The following CRISP2 variants were observed in gnomAD, a reference collection of about 807,000 sequenced individuals.
The protein encoded by CRISP2 is cysteine rich secretory protein 2.
CRISP2 carries 29 observed loss-of-function variants against 31.7 expected under a neutral mutation model. The ratio of observed to expected loss-of-function variants is 0.92; its 90% CI spans 0.68 to 1.25. The LOEUF (loss-of-function observed/expected upper bound fraction) is 1.25, where lower values mean the gene tolerates loss of function less well. Among genes scored for constraint, CRISP2 ranks in the 50% most tolerant of loss-of-function variants. CRISP2 has a pLI of 0.00. For synonymous variants in CRISP2, 111 were observed against 101.4 expected (o/e 1.09, Z -0.57); for missense variants, 318 against 286.5 (o/e 1.11, Z -0.79).
chr6:49,678,608 G>T, the CRISP2 span, among the ~76,000 whole-genome samples: 2 of 152,084 alleles, frequency 1.3e-5, no homozygotes, highest in Non-Finnish European at 2.9e-5. Flanking sequence ...ATTGCAGAGA[G>T]TGTAAATGTG....
the CRISP2 span, among the ~76,000 whole-genome samples, chr6:49,683,248 G>T: frequency 6.6e-6 from 1 of 151,852 alleles, no homozygotes; most frequent in Non-Finnish European, 1.5e-5. Flanking sequence ...TAATTGCATA[G>T]CTCATTTAAT....
chr6:49,693,357 T>C (rs957752183), intron 9 of CRISP2, among the ~76,000 whole-genome samples: 3 of 152,190 alleles, frequency 2.0e-5, no homozygotes, highest in Non-Finnish European at 4.4e-5. Context: ...GTGTTCAAAG[T>C]GTGATTAGTA....
intron 7 of CRISP2, 42 bp downstream of exon 7, chr6:49,698,320 T>C (rs767115140): frequency 1.5e-5 from 24 of 1,605,330 alleles, no homozygotes; most frequent in Non-Finnish European, 2.0e-5. Context: ...TTTCCTCTAT[T>C]AGAACATCTG....
chr6:49,680,243 T>C, the CRISP2 span, among the ~76,000 whole-genome samples: 1 of 152,226 alleles, frequency 6.6e-6, no homozygotes, highest in African/African-American at 2.4e-5. Context: ...TAAGTGAGAA[T>C]ATGTGGTGTT....
At chr6:49,687,173 G>A in the CRISP2 span, among the ~76,000 whole-genome samples, 1 of 152,086 alleles carries the variant, frequency 6.6e-6, no homozygotes, top group Non-Finnish European at 1.5e-5. Flanking sequence ...TGCACATTGT[G>A]CACATGTGCC....
rs147655236 is a variant in CRISP2 at position 49,704,032 on chromosome 6, G to A, written c.67-3248C>T. On this transcript the variant is annotated intron_variant, in intron 4 of 9. Coordinates refer to ENST00000339139, the MANE Select transcript of CRISP2 (RefSeq NM_003296.4). The stretch of plus-strand genomic sequence containing the variant: ...GATTTAATGTAATCCCAAACTTCTT[G>A]GAGGCTTTGTTCATTTTCTTTTTAT... 2.2e-4 allele frequency among the ~76,000 whole-genome samples: 34 copies of A among 152,108 alleles called. No individual in the cohort carries two copies. The East Asian group carries it at 6.4e-3, about 29-fold the overall frequency.
intron 6 of CRISP2, among the ~76,000 whole-genome samples, 172 bp downstream of exon 6, chr6:49,699,632 C>CA: frequency 6.6e-6 from 1 of 152,148 alleles, no homozygotes; most frequent in Non-Finnish European, 1.5e-5. Flanking sequence ...TAAAAAAACA[C>CA]AAAATTGTTC....
chr6:49,705,672 T>A (rs58946005), intron 4 of CRISP2, among the ~76,000 whole-genome samples: 5,079 of 152,292 alleles, frequency 0.033, 302 homozygotes, highest in African/African-American at 0.12. Flanking sequence ...AGAAATGGCT[T>A]CCCTGGGCTT....
At chr6:49,712,678 T>C (rs905462684) in intron 1 of CRISP2, 74 bp from the exon 2 acceptor site, 23 of 152,226 alleles carry the variant, frequency 1.5e-4, no homozygotes, top group African/African-American at 5.1e-4. Flanking sequence ...ATAATCTTTG[T>C]CACAAACTTA....
At chr6:49,679,728 C>T in the CRISP2 span, among the ~76,000 whole-genome samples, 12 of 151,288 alleles carry the variant, frequency 7.9e-5, no homozygotes, top group South Asian at 6.3e-4. Context: ...ATTTTTGAGA[C>T]GGAGTATTAC....
downstream of CRISP2, among the ~76,000 whole-genome samples, chr6:49,690,711 T>G (rs1449146150): frequency 6.6e-6 from 1 of 152,028 alleles, no homozygotes; most frequent in Non-Finnish European, 1.5e-5. Context: ...ATTTGGACAT[T>G]TTCGTTGGTT....
In CRISP2 at chr6:49,704,007, G is replaced by A. The variant is rs532127029; in HGVS notation, c.67-3223C>T. Among the ~76,000 whole-genome samples, 18 of 152,134 alleles carry A rather than the reference G, an allele frequency of 1.2e-4. No individual in the cohort carries two copies. In the South Asian group the frequency reaches 2.1e-3, roughly 18 times the overall value. On this transcript the variant is annotated intron_variant, in intron 4 of 9. Transcript: ENST00000339139. The stretch of plus-strand genomic sequence containing the variant: ...AACATCAATTATTCTTAGCTTTGGT[G>A]ATTTAATGTAATCCCAAACTTCTTG...
At chr6:49,695,327 T>G (rs1271959960) in intron 9 of CRISP2, among the ~76,000 whole-genome samples, 1 of 152,182 alleles carries the variant, frequency 6.6e-6, no homozygotes, top group African/African-American at 2.4e-5. Flanking sequence ...ATAGGGCAAG[T>G]AATCATTTAT....
chr6:49,711,563 C>T (rs1260671293), intron 2 of CRISP2, among the ~76,000 whole-genome samples: 2 of 152,088 alleles, frequency 1.3e-5, no homozygotes, highest in African/African-American at 4.8e-5. Flanking sequence ...ATCAGTTCTC[C>T]CTTCTCCTTA....
chr6:49,677,800 C>T, the CRISP2 span, among the ~76,000 whole-genome samples: 2 of 152,050 alleles, frequency 1.3e-5, no homozygotes, highest in Non-Finnish European at 2.9e-5. Flanking sequence ...TAGGGAAAGC[C>T]TGAAAGACAA....
Position 49,699,890 on chromosome 6 carries a change from T to G in CRISP2, c.185A>C (p.Glu62Ala). Reference protein sequence around the residue: ...SPPASNMLKMEWSREVTTNAQ... With the variant: ...SPPASNMLKMAWSREVTTNAQ... ...ATTCGTTGTTACCTCTCTGCTCCATTCCTAAACGTCACAAGAAAACAAAAT... is the reference window on the plus strand; with the variant it reads ...ATTCGTTGTTACCTCTCTGCTCCATGCCTAAACGTCACAAGAAAACAAAAT... The change falls in exon 6 of 10, where the codon GAA becomes GCA. Residue 62 changes from glutamate (E) to alanine (A), a missense_variant and splice_region_variant. Physicochemically the swap from Glu to Ala is moderately radical, Grantham distance 107. Transcript: ENST00000339139. 1 of 1,611,870 alleles carries G rather than the reference T, an allele frequency of 6.2e-7. No homozygotes were observed. Among genetic ancestry groups the G allele is most frequent in the Non-Finnish European group, 8.5e-7 (1 of 1,178,668 alleles).
chr6:49,698,288 A>G, intron 7 of CRISP2, 74 bp downstream of exon 7: 1 of 1,503,274 alleles, frequency 6.7e-7, no homozygotes. Flanking sequence ...TGAACATTAC[A>G]GTGGTCATAA....
upstream of CRISP2, chr6:49,713,633 C>G (rs1768424170): frequency 6.6e-6 from 1 of 152,232 alleles, no homozygotes; most frequent in African/African-American, 2.4e-5. Flanking sequence ...CCGCTATCTG[C>G]CTACGTGAGC....
At position 49,698,220 on chromosome 6, in the gene CRISP2, C is replaced by T. The variant is rs540105430; in HGVS notation, c.417+142G>A. 6.2e-6 allele frequency: 6 copies of T among 974,188 alleles called. No homozygotes were observed. In the South Asian group the frequency reaches 1.0e-4, roughly 16 times the overall value. The allele number at this position is 974,188 out of a possible 1,614,324, so 60.3% of individuals were successfully genotyped here. On this transcript the variant is annotated intron_variant, in intron 7 of 9. Coordinates refer to ENST00000339139, the MANE Select transcript of CRISP2 (RefSeq NM_003296.4). ...GGCTGACCATGGACAAAAATGACAG[C>T]TCTACAACAGCCAAATGCCAAGACT...
Sources: allele counts gnomAD v4.1 joint callset (sites outside exome capture counted in the v4.1 genomes callset), GRCh38; gene constraint gnomAD v4.1.1; transcripts MANE v1.5; gene names NCBI Gene and HGNC (gene_info 2026-07-23, HGNC 2026-07-21).